METTL15: variants seen among roughly 807,000 people sequenced by gnomAD.
METTL15 encodes the protein 12S rRNA N(4)-cytidine methyltransferase METTL15.
Under a neutral mutation model 38.3 loss-of-function variants are expected in METTL15, and 34 were observed. The ratio of observed to expected loss-of-function variants is 0.89; its 90% confidence interval spans 0.68 to 1.18. The LOEUF is 1.18. Among genes scored for constraint, METTL15 ranks in the 50% most tolerant of loss-of-function variants. The pLI is 0.00. For synonymous variants in METTL15, 162 were observed against 170.9 expected, an observed-to-expected ratio of 0.95 and a Z score of 0.41; for missense variants, 438 against 498.4, an observed-to-expected ratio of 0.88 and a Z score of 1.15.
intron 5 of METTL15, among the ~76,000 whole-genome samples, chr11:28,294,982 G>A (rs1000100712): frequency 6.6e-6 from 1 of 152,130 alleles, no homozygotes; most frequent in African/African-American, 2.4e-5. Context: ...AAGCTGGACT[G>A]TATCCCATGG....
At chr11:28,243,873 A>G (rs1854404700) in intron 4 of METTL15, among the ~76,000 whole-genome samples, 3 of 152,190 alleles carry the variant, frequency 2.0e-5, no homozygotes, top group African/African-American at 7.2e-5. Context: ...AACTACTACA[A>G]AACACTGGCA....
chr11:28,112,731 A>G (rs980635138), intron 2 of METTL15, among the ~76,000 whole-genome samples: 3 of 152,160 alleles, frequency 2.0e-5, no homozygotes, highest in African/African-American at 7.2e-5. Context: ...GATACAGGGT[A>G]CAGGGAGATG....
chr11:28,250,753 T>C (rs1361169559), intron 4 of METTL15, among the ~76,000 whole-genome samples: 3 of 151,958 alleles, frequency 2.0e-5, no homozygotes, highest in African/African-American at 7.2e-5. Context: ...TTCAATTCTG[T>C]TTTTTACCTG....
rs111713253 is a variant in METTL15 at position 28,209,076 on chromosome 11, C to G, written c.271-1986C>G. On this transcript the variant is annotated intron_variant, in intron 3 of 6. Coordinates refer to ENST00000407364, the MANE Select transcript of METTL15 (RefSeq NM_001113528.2). Reference sequence around the variant, plus strand: ...ACTTTCTTGATTGTCAGTACATCTACAAGGGCATAATCATGATACATTAAA... The same window carrying G: ...ACTTTCTTGATTGTCAGTACATCTAGAAGGGCATAATCATGATACATTAAA... Among the ~76,000 whole-genome samples the G allele has an allele frequency of 6.6e-4, 100 of 151,990 alleles. 1 individual carries two copies. The highest frequency in any genetic ancestry group is 2.3e-3 in the African/African-American group (96 of 41,502).
intron 4 of METTL15, among the ~76,000 whole-genome samples, chr11:28,288,606 A>C (rs1006846682): frequency 6.6e-6 from 1 of 152,142 alleles, no homozygotes; most frequent in African/African-American, 2.4e-5. Context: ...AGTGAGAACT[A>C]AATGATGACC....
chr11:28,355,524 T>C (rs1850083414), intron 4 of METTL15, among the ~76,000 whole-genome samples: 1 of 152,186 alleles, frequency 6.6e-6, no homozygotes, highest in African/African-American at 2.4e-5. Context: ...ATGAATTCCA[T>C]ATCCATGTAT....
At chr11:28,368,998 G>T (rs1850217061) in intron 5 of METTL15, among the ~76,000 whole-genome samples, 1 of 151,954 alleles carries the variant, frequency 6.6e-6, no homozygotes. Context: ...ACTGGGGCCT[G>T]TCAGAGGGTG....
chr11:28,428,457 TTAGAC>T (rs1222609100), intron 6 of METTL15, among the ~76,000 whole-genome samples: 2 of 152,248 alleles, frequency 1.3e-5, no homozygotes, highest in Non-Finnish European at 2.9e-5. Flanking sequence ...TGCCAAGCAC[TTAGAC>T]TAGTGTCTAG....
chr11:28,203,020 A>G (rs1313270788), intron 3 of METTL15, among the ~76,000 whole-genome samples: 4 of 152,092 alleles, frequency 2.6e-5, no homozygotes, highest in African/African-American at 9.7e-5. Context: ...TCTTGGGCAA[A>G]TGCCTTGATT....
rs972729900 is a variant in METTL15, at chr11:28,467,918, T to C, written c.*424+43554T>C. On this transcript the variant is annotated intron_variant and NMD_transcript_variant, in intron 6 of 7. Transcript: ENST00000532947. ...ATATGAATTTCCCTTCCAAAATATATTTATTTGTCGCACTTCCCCATTCTA... is the reference window on the plus strand; with the variant it reads ...ATATGAATTTCCCTTCCAAAATATACTTATTTGTCGCACTTCCCCATTCTA... Among the ~76,000 whole-genome samples, 10 of 152,228 alleles carry C rather than the reference T, an allele frequency of 6.6e-5. No homozygotes were observed. The South Asian group carries it at 1.9e-3, about 28-fold the overall frequency.
intron 3 of METTL15, among the ~76,000 whole-genome samples, chr11:28,118,280 A>ATGTTTACTACAAAACTACAGATT (rs1852061849): frequency 1.3e-5 from 2 of 152,200 alleles, no homozygotes; most frequent in African/African-American, 4.8e-5. Flanking sequence ...TTTACTACCT[A>ATGTTTACTACAAAACTACAGATT]TGTAGTTTAC....
At chr11:28,259,957 A>G (rs1855133179) in intron 4 of METTL15, among the ~76,000 whole-genome samples, 1 of 152,040 alleles carries the variant, frequency 6.6e-6, no homozygotes, top group Admixed American at 6.6e-5. Context: ...TTCCTCACCA[A>G]TACTTCTGAT....
chr11:28,136,794 G>T (rs919071925), intron 3 of METTL15, among the ~76,000 whole-genome samples: 1 of 151,666 alleles, frequency 6.6e-6, no homozygotes, highest in Non-Finnish European at 1.5e-5. Flanking sequence ...TGAAGCTGAA[G>T]TTTGATTTTG....
At chr11:28,159,346 C>T (rs1291982312) in intron 3 of METTL15, among the ~76,000 whole-genome samples, 3 of 151,892 alleles carry the variant, frequency 2.0e-5, no homozygotes, top group African/African-American at 7.3e-5. Flanking sequence ...TATTACCATG[C>T]CCTGTGATTA....
chr11:28,523,523 G>T (rs1851785015), intron 6 of METTL15, among the ~76,000 whole-genome samples: 1 of 152,150 alleles, frequency 6.6e-6, no homozygotes, highest in African/African-American at 2.4e-5. Flanking sequence ...ATTACATGTG[G>T]AAAATAAATT....
intron 3 of METTL15, chr11:28,145,626 G>A (rs1053591918): frequency 1.3e-5 from 2 of 151,874 alleles, no homozygotes; most frequent in Admixed American, 6.6e-5. Flanking sequence ...CCTCATTTCT[G>A]TGGTCCTTTA....
chr11:28,328,037 C>T (rs1849693885), intron 6 of METTL15: 1 of 1,540,732 alleles, frequency 6.5e-7, no homozygotes, highest in Non-Finnish European at 8.9e-7. Flanking sequence ...GATTTATGTG[C>T]TCCATGAATG....
At chr11:28,338,614 T>G (rs2133352262) in intron 3 of METTL15, among the ~76,000 whole-genome samples, 1 of 152,270 alleles carries the variant, frequency 6.6e-6, no homozygotes, top group Non-Finnish European at 1.5e-5. Context: ...AGGGTAATAC[T>G]GTGAAATCCC....
intron 6 of METTL15, among the ~76,000 whole-genome samples, chr11:28,430,223 G>A (rs1316308998): frequency 1.5e-4 from 22 of 150,740 alleles, no homozygotes; most frequent in African/African-American, 4.4e-4. Context: ...CCGGGAGGGA[G>A]GTGGGGGGGG....
Sources: gnomAD v4.1 joint callset for allele counts (sites outside exome capture counted in the v4.1 genomes callset) on GRCh38, gnomAD v4.1.1 for gene constraint, MANE v1.5 for transcripts, NCBI Gene and HGNC (gene_info 2026-07-23, HGNC 2026-07-21) for gene names.